Variants in CAD observed in about 807,000 individuals in gnomAD.
The protein encoded by CAD is carbamoyl-phosphate synthetase 2, aspartate transcarbamylase, and dihydroorotase.
CAD carries 81 observed loss-of-function variants against 237.2 expected under a neutral mutation model. The ratio of observed to expected loss-of-function variants is 0.34; its 90% confidence interval spans 0.29 to 0.41. The LOEUF is 0.41. Ranked by LOEUF, CAD falls within the 10% of genes least tolerant of loss-of-function variation. The pLI, the probability that CAD is intolerant of heterozygous loss-of-function variation, is 1.00. For missense variants in CAD, 2,181 were observed against 2,951.7 expected, an observed-to-expected ratio of 0.74 and a Z score of 6.05; for synonymous variants, 1,196 against 1,162.8, an observed-to-expected ratio of 1.03 and a Z score of -0.58.
At position 27,239,241 on chromosome 2, in the gene CAD, A is replaced by T; in HGVS notation, c.5253+9A>T. ...AGGACACCTATGTGGAGGTGTGGGGATGAGGCCCAGAGCAGGAGGGGGGCT... is the reference window on the plus strand; with the variant it reads ...AGGACACCTATGTGGAGGTGTGGGGTTGAGGCCCAGAGCAGGAGGGGGGCT... On this transcript the variant is annotated intron_variant, in intron 32 of 43. Coordinates refer to ENST00000264705, the MANE Select transcript of CAD (RefSeq NM_004341.5). The surrounding 1 kb of genome is among the most constrained non-coding windows in gnomAD (Gnocchi z 4.0). The T allele has an allele frequency of 6.2e-7, 1 of 1,602,538 alleles. No homozygotes were observed. Among genetic ancestry groups the T allele is most frequent in the Non-Finnish European group, 8.5e-7 (1 of 1,171,582 alleles).
chr2:27,222,678 G>C lies in CAD; in HGVS notation c.637+18G>C, dbSNP rs145727156. On this transcript the variant is annotated intron_variant, in intron 5 of 43. Transcript: ENST00000264705. ...CAGCCAAGGTGAGTAGCTGGGGCCT[G>C]TTCAGGGCCTCAGACAAGCAGCTTG... The C allele has an allele frequency of 1.2e-6, 2 of 1,606,926 alleles. No individual in the cohort carries two copies. The highest frequency in any genetic ancestry group is 2.7e-5 in the African/African-American group (2 of 74,738).
chr2:27,237,414 G>C lies in CAD; in HGVS notation c.4432G>C (p.Gly1478Arg). ...TGTCCATGTGCACCTGCGGGAACCA[G>C]GTGGGACACATAAGGAGGACTTTGC... Reference protein sequence around the residue: ...IDVHVHLREPGGTHKEDFASG... With the variant: ...IDVHVHLREPRGTHKEDFASG... Residue 1478 changes from glycine to arginine, a missense_variant, in exon 28 of 44, where the codon GGT (glycine) becomes CGT (arginine). Transcript: ENST00000264705. The surrounding 1 kb of genome is among the most constrained non-coding windows in gnomAD (Gnocchi z 4.0). 1 of 1,614,206 alleles carries C rather than the reference G, an allele frequency of 6.2e-7. No homozygotes were observed.
rs753017773 is a variant in CAD, at chr2:27,242,254, TG to T, written c.6097-42del. The T allele has an allele frequency of 1.9e-6, 3 of 1,586,424 alleles. No individual in the cohort carries two copies. The highest frequency in any genetic ancestry group is 2.6e-6 in the Non-Finnish European group (3 of 1,162,830). ...ACCCCAGAAGAGGGGGACTGGCAGTTGGGGGGCCTCTGAGCTGCAAAAGACA... is the reference window on the plus strand; with the variant it reads ...ACCCCAGAAGAGGGGGACTGGCAGTTGGGGGCCTCTGAGCTGCAAAAGACA... On this transcript the variant is annotated intron_variant, in intron 39 of 43. Transcript: ENST00000264705. The surrounding 1 kb of genome is among the most constrained non-coding windows in gnomAD (Gnocchi z 6.4).
intron 15 of CAD, among the ~76,000 whole-genome samples, chr2:27,229,154 G>A (rs543159247): frequency 1.1e-3 from 165 of 150,230 alleles, no homozygotes; most frequent in African/African-American, 3.8e-3. Context: ...TCTTAACCTC[G>A]TGATCCGCCT....
Position 27,224,886 on chromosome 2 carries a change from G to A in CAD, c.1386+10G>A, listed in dbSNP as rs1309986745. On this transcript the variant is annotated intron_variant, in intron 10 of 43. Coordinates refer to ENST00000264705, the MANE Select transcript of CAD (RefSeq NM_004341.5). The stretch of plus-strand genomic sequence containing the variant: ...TCATTATGTAACCCAGGTATGACTG[G>A]GGCAAGGCTGGAATGAAAAGAGGAC... The A allele has an allele frequency of 1.2e-6, 2 of 1,614,176 alleles. No individual in the cohort carries two copies. The highest frequency in any genetic ancestry group is 8.5e-7 in the Non-Finnish European group (1 of 1,180,030).
Position 27,232,249 on chromosome 2 carries a change from C to T in CAD, c.2645+25C>T, listed in dbSNP as rs760657353. 13 of 1,611,168 alleles carry T rather than the reference C, an allele frequency of 8.1e-6. No homozygotes were observed. The highest frequency in any genetic ancestry group is 5.5e-5 in the South Asian group (5 of 90,940). ...GGTCAGAGGTGGCAATGAGAGCTTCCGGCTGGGAAATGTGGGGCAGAACCT... is the reference window on the plus strand; with the variant it reads ...GGTCAGAGGTGGCAATGAGAGCTTCTGGCTGGGAAATGTGGGGCAGAACCT... On this transcript the variant is annotated intron_variant, in intron 17 of 43. Coordinates refer to ENST00000264705, the MANE Select transcript of CAD (RefSeq NM_004341.5). The surrounding 1 kb of genome is among the most constrained non-coding windows in gnomAD (Gnocchi z 4.1).
In CAD at chr2:27,237,784, A is replaced by G. The variant is rs1184975932; in HGVS notation, c.4630A>G (p.Thr1544Ala). The change falls in exon 29 of 44, where the codon ACC (threonine) becomes GCC (alanine). Residue 1544 changes from threonine to alanine, a missense_variant. By Grantham distance (58) the Thr-to-Ala change is moderately conservative. Coordinates refer to ENST00000264705, the MANE Select transcript of CAD (RefSeq NM_004341.5). The surrounding 1 kb of genome is among the most constrained non-coding windows in gnomAD (Gnocchi z 4.0). ...FLGASSENAG[T>A]LGTVAGSAAG... ...TGGGGCCTCGTCTGAAAATGCAGGA[A>G]CCTTGGGCACCGTGGCCGGGTCTGC... The G allele has an allele frequency of 4.3e-6, 7 of 1,614,166 alleles. No individual in the cohort carries two copies. Among genetic ancestry groups the G allele is most frequent in the Non-Finnish European group, 5.9e-6 (7 of 1,180,010 alleles).
Position 27,239,757 on chromosome 2 carries a change from C to T in CAD, c.5455C>T (p.Gln1819Ter). 1 of 1,589,570 alleles carries T rather than the reference C, an allele frequency of 6.3e-7. No homozygotes were observed. Among genetic ancestry groups the T allele is most frequent in the Non-Finnish European group, 8.6e-7 (1 of 1,167,072 alleles). ...VRKWPQGAVP[Q>*]LPPSAPATSE... ...GAAGTGGCCACAGGGGGCTGTTCCT[C>T]AGCTCCCACCCTCAGCCCCTGCCAC... is the stretch of plus-strand genomic sequence containing the variant. Residue 1819 changes from glutamine (Q) to a stop codon, truncating the protein, a stop_gained, in exon 34 of 44, where the codon CAG becomes TAG. Transcript: ENST00000264705. LOFTEE classifies it high-confidence loss of function. This position sits in a 1 kb window ranked among gnomAD's most constrained non-coding sequence, Gnocchi z 4.0.
intron 15 of CAD, among the ~76,000 whole-genome samples, chr2:27,227,699 A>G (rs1029761940): frequency 6.6e-6 from 1 of 152,258 alleles, no homozygotes; most frequent in African/African-American, 2.4e-5. Flanking sequence ...AAATAGGCCA[A>G]TGAAAGATTG....
chr2:27,243,010 G>C (rs749633873), intron 42 of CAD, 37 bp downstream of exon 42: 31 of 1,522,414 alleles, frequency 2.0e-5, no homozygotes, highest in Non-Finnish European at 2.8e-5. Flanking sequence ...CAGGGCTGCT[G>C]CCGTAGGGCA....
In CAD at chr2:27,240,410, A is replaced by G; in HGVS notation, c.5593+49A>G. On this transcript the variant is annotated intron_variant, in intron 35 of 43. Transcript: ENST00000264705. The surrounding 1 kb of genome is among the most constrained non-coding windows in gnomAD (Gnocchi z 4.6). ...CAGAGACTGTGTAGGGACAGGATCC[A>G]CTTCTTCCCAGTGCCTCGCCTTTCT... 1 of 1,564,742 alleles carries G rather than the reference A, an allele frequency of 6.4e-7. No individual in the cohort carries two copies. Among genetic ancestry groups the G allele is most frequent in the Non-Finnish European group, 8.8e-7 (1 of 1,135,146 alleles).
chr2:27,226,091 C>T (rs1319715401), intron 12 of CAD, 40 bp from the exon 13 acceptor site: 1 of 1,593,194 alleles, frequency 6.3e-7, no homozygotes, highest in East Asian at 2.2e-5. Context: ...CCTCTCCTGA[C>T]TCTGCTTGGC....
At position 27,235,616 on chromosome 2, in the gene CAD, C is replaced by T. The variant is rs750355493; in HGVS notation, c.4050C>T (p.Asp1350=). 4 of 1,613,998 alleles carry T rather than the reference C, an allele frequency of 2.5e-6. No individual in the cohort carries two copies. The African/African-American group carries it at 4.0e-5, about 16-fold the overall frequency. Residue 1350 remains aspartate, a synonymous_variant, in exon 25 of 44, where the codon GAC becomes GAT. Coordinates refer to ENST00000264705, the MANE Select transcript of CAD (RefSeq NM_004341.5). The surrounding 1 kb of genome is among the most constrained non-coding windows in gnomAD (Gnocchi z 5.2). ...TCTATGCCAGTCTCGGCACAGCTGA[C>T]TTCTACACTGAGCATGGCGTCAAGG... ...YSLYASLGTA[D]FYTEHGVKVT...
In CAD at chr2:27,237,576, G is replaced by A. The variant is rs750836057; in HGVS notation, c.4563+31G>A. ...CCACTGCACTCTTCCTGGTATTGGA[G>A]ACCCATATGCCCCTACCAGCCACCC... is the stretch of plus-strand genomic sequence containing the variant. On this transcript the variant is annotated intron_variant, in intron 28 of 43. Transcript: ENST00000264705. The surrounding 1 kb of genome is among the most constrained non-coding windows in gnomAD (Gnocchi z 4.0). The A allele has an allele frequency of 2.2e-5, 36 of 1,605,516 alleles. No homozygotes were observed. The highest frequency in any genetic ancestry group is 6.7e-5 in the Admixed American group (4 of 59,706).
At chr2:27,224,316 A>G in intron 8 of CAD, 29 bp from the exon 9 acceptor site, 3 of 1,613,702 alleles carry the variant, frequency 1.9e-6, no homozygotes, top group Non-Finnish European at 1.7e-6. Context: ...CTCAGCTCTA[A>G]CATTCTACGA....
At position 27,240,310 on chromosome 2, in the gene CAD, C is replaced by G; in HGVS notation, c.5542C>G (p.Arg1848Gly). 9.9e-6 allele frequency: 16 copies of G among 1,614,100 alleles called. No homozygotes were observed. The highest frequency in any genetic ancestry group is 1.4e-5 in the Non-Finnish European group (16 of 1,180,016). ...TGGCATCCCAGGGCTTCCTGATGGCCGCTTCCATCTGCCGCCCCGAATCCA... is the reference window on the plus strand; with the variant it reads ...TGGCATCCCAGGGCTTCCTGATGGCGGCTTCCATCTGCCGCCCCGAATCCA... ...RRGIPGLPDGRFHLPPRIHRA... is the reference protein window; with the variant it reads ...RRGIPGLPDGGFHLPPRIHRA... Residue 1848 changes from arginine to glycine, a missense_variant, in exon 35 of 44, where the codon CGC (arginine) becomes GGC (glycine). Physicochemically the swap from Arg to Gly is moderately radical, Grantham distance 125. Transcript: ENST00000264705. The surrounding 1 kb of genome is among the most constrained non-coding windows in gnomAD (Gnocchi z 4.6).
In CAD at chr2:27,235,284, G is replaced by A. The variant is rs1254738881; in HGVS notation, c.3826G>A (p.Val1276Met). 2.5e-6 allele frequency: 4 copies of A among 1,613,296 alleles called. No individual in the cohort carries two copies. The highest frequency in any genetic ancestry group is 1.3e-5 in the African/African-American group (1 of 74,992). Residue 1276 changes from valine to methionine, a missense_variant, in exon 24 of 44, where the codon GTG becomes ATG. By Grantham distance (21) the Val-to-Met change is conservative. This residue lies in a region of CAD where 306 missense variants were observed against 607.9 expected (regional missense o/e 0.50). Transcript: ENST00000264705. The surrounding 1 kb of genome is among the most constrained non-coding windows in gnomAD (Gnocchi z 5.2). ...CTTCTCCCGCTTGGCGGGTGCTGAC[G>A]TGGTGTTGGGTGTGGAAATGACCAG... ...FSFSRLAGAD[V>M]VLGVEMTSTG...
intron 31 of CAD, 24 bp downstream of exon 31, chr2:27,238,656 CCT>C (rs1178772733): frequency 1.3e-6 from 2 of 1,587,992 alleles, no homozygotes; most frequent in Non-Finnish European, 1.7e-6. Context: ...GCATGTACCT[CCT>C]CTGCCCAGTG....
chr2:27,235,653 T>G lies in CAD; in HGVS notation c.4074+13T>G. On this transcript the variant is annotated intron_variant, in intron 25 of 43. Coordinates refer to ENST00000264705, the MANE Select transcript of CAD (RefSeq NM_004341.5). This position sits in a 1 kb window ranked among gnomAD's most constrained non-coding sequence, Gnocchi z 5.2. ...GCATGGCGTCAAGGTGCAGGAACTCTGGCAACCTACCCCACTGCTGCCCTT... is the reference window on the plus strand; with the variant it reads ...GCATGGCGTCAAGGTGCAGGAACTCGGGCAACCTACCCCACTGCTGCCCTT... The G allele has an allele frequency of 6.2e-7, 1 of 1,609,434 alleles. No homozygotes were observed. Among genetic ancestry groups the G allele is most frequent in the South Asian group, 1.1e-5 (1 of 90,958 alleles).
Sources: gnomAD v4.1 joint callset for allele counts (sites outside exome capture counted in the v4.1 genomes callset) on GRCh38, gnomAD v4.1.1 for gene constraint, gnomAD v4.1.1 regional missense constraint, Gnocchi (gnomAD v3.1) non-coding constraint, MANE v1.5 for transcripts, NCBI Gene and HGNC (gene_info 2026-07-23, HGNC 2026-07-21) for gene names.